The following RNF111 variants were observed in gnomAD, a reference collection of about 807,000 sequenced individuals.
RNF111 encodes E3 ubiquitin-protein ligase Arkadia.
In RNF111, 17 loss-of-function variants were observed where a neutral mutation model predicts 95.1. The ratio of observed to expected loss-of-function variants is 0.18; its 90% CI spans 0.12 to 0.27. The LOEUF (loss-of-function observed/expected upper bound fraction) is 0.27, where lower values mean the gene tolerates loss of function less well. RNF111 is among the 10% of genes least tolerant of loss of function. The probability of loss-of-function intolerance (pLI) is 1.00; values close to 1 mark genes in which losing one functional copy is unlikely to be tolerated. For synonymous variants in RNF111, 440 were observed against 414.8 expected (o/e 1.06, Z -0.74); for missense variants, 1,189 against 1,210.4 (o/e 0.98, Z 0.26).
chr15:59,082,146 G>A (rs2078763715), intron 8 of RNF111, among the ~76,000 whole-genome samples: 2 of 152,134 alleles, frequency 1.3e-5, no homozygotes, highest in African/African-American at 2.4e-5. Context: ...CTTTGCTAAC[G>A]AGAACCTTCC....
At chr15:59,028,805 A>T (rs1485177316) in intron 1 of RNF111, among the ~76,000 whole-genome samples, 1 of 147,838 alleles carries the variant, frequency 6.8e-6, no homozygotes, top group Non-Finnish European at 1.5e-5. Flanking sequence ...CTTGAGATAG[A>T]GTCTTGCTCT....
At chr15:59,067,293 T>C (rs1339232067) in intron 6 of RNF111, among the ~76,000 whole-genome samples, 1 of 146,538 alleles carries the variant, frequency 6.8e-6, no homozygotes, top group African/African-American at 2.5e-5. Context: ...TCTCTTCCCC[T>C]CCTTCCTTCC....
At chr15:59,016,776 C>G (rs1324847469) in intron 1 of RNF111, among the ~76,000 whole-genome samples, 1 of 152,124 alleles carries the variant, frequency 6.6e-6, no homozygotes, top group African/African-American at 2.4e-5. Context: ...AGGCCATGTA[C>G]CAGTAGGTGA....
chr15:59,074,578 T>C (rs2043085964), intron 6 of RNF111, among the ~76,000 whole-genome samples: 1 of 152,238 alleles, frequency 6.6e-6, no homozygotes, highest in Non-Finnish European at 1.5e-5. Context: ...CTTCATAGAA[T>C]TGAAGAGTTA....
intron 5 of RNF111, among the ~76,000 whole-genome samples, chr15:59,063,892 A>G (rs1384216354): frequency 1.3e-5 from 2 of 152,212 alleles, no homozygotes; most frequent in Non-Finnish European, 2.9e-5. Flanking sequence ...TATCCCAGTG[A>G]GTGAGCTTAG....
chr15:59,066,962 C>G lies in RNF111; in HGVS notation c.1565C>G (p.Pro522Arg). Residue 522 changes from proline to arginine, a missense_variant, in exon 6 of 14, where the codon CCC becomes CGC. By Grantham distance (103) the Pro-to-Arg change is moderately radical (BLOSUM62 -2). Around this residue, in one of 2 missense-constraint regions of RNF111, gnomAD observed 1,024 missense variants for 925.9 expected, o/e 1.11. Transcript: ENST00000348370. Reference protein sequence around the residue: ...FQHHHHHHHTPHPAVPVSPSF... With the variant: ...FQHHHHHHHTRHPAVPVSPSF... Reference sequence around the variant, plus strand: ...CATCATCACCACCACCACCATACTCCCCACCCAGCTGTCCCAGTTTCTCCT... The same window carrying G: ...CATCATCACCACCACCACCATACTCGCCACCCAGCTGTCCCAGTTTCTCCT... The G allele has an allele frequency of 6.2e-7, 1 of 1,614,100 alleles. No homozygotes were observed. The highest frequency in any genetic ancestry group is 1.1e-5 in the South Asian group (1 of 91,078).
intron 10 of RNF111, among the ~76,000 whole-genome samples, chr15:59,087,454 A>G (rs1273038151): frequency 6.6e-6 from 1 of 152,210 alleles, no homozygotes; most frequent in Non-Finnish European, 1.5e-5. Context: ...TAAAATCTTA[A>G]CTACTAATAG....
At chr15:58,994,092 C>T (rs1381792317) in intron 1 of RNF111, among the ~76,000 whole-genome samples, 2 of 138,812 alleles carry the variant, frequency 1.4e-5, no homozygotes, top group African/African-American at 2.7e-5. Context: ...GGCTGGAGTG[C>T]AGTGGCCCCA....
chr15:59,051,281 G>A (rs997613795), intron 2 of RNF111, among the ~76,000 whole-genome samples: 24 of 150,770 alleles, frequency 1.6e-4, no homozygotes, highest in African/African-American at 4.6e-4. Context: ...GTGAAACCCC[G>A]TCTCTACTAA....
Position 59,045,954 on chromosome 15 carries a change from T to G in RNF111, c.881-6351T>G, listed in dbSNP as rs142735369. 2.6e-4 allele frequency among the ~76,000 whole-genome samples: 39 copies of G among 152,336 alleles called. 1 individual carries two copies. The East Asian group carries it at 6.5e-3, about 26-fold the overall frequency. On this transcript the variant is annotated intron_variant, in intron 2 of 13. Coordinates refer to ENST00000348370, the MANE Select transcript of RNF111 (RefSeq NM_017610.8). Reference sequence around the variant, plus strand: ...TAAGATATATTTGCACTGTTAAAAATGCATTTTACCTCAGTCTGTGTGTGT... The same window carrying G: ...TAAGATATATTTGCACTGTTAAAAAGGCATTTTACCTCAGTCTGTGTGTGT...
rs903843979 is a variant in RNF111, at chr15:59,070,760, T to C, written c.1686+3677T>C. ...CCCAGAGTTCCTTTTGTTTCTATTA[T>C]TCCCCCTAAACCTAGAGCTCACTGA... On this transcript the variant is annotated intron_variant, in intron 6 of 13. Coordinates refer to ENST00000348370, the MANE Select transcript of RNF111 (RefSeq NM_017610.8). 2.6e-5 allele frequency among the ~76,000 whole-genome samples: 4 copies of C among 152,282 alleles called. No homozygotes were observed. In the South Asian group the frequency reaches 6.2e-4, roughly 24 times the overall value.
At position 59,067,068 on chromosome 15, in the gene RNF111, C is replaced by A; in HGVS notation, c.1671C>A (p.Thr557=). 1.2e-6 allele frequency: 2 copies of A among 1,613,756 alleles called. No homozygotes were observed. The highest frequency in any genetic ancestry group is 1.7e-6 in the Non-Finnish European group (2 of 1,179,842). ...GTGGAGCAAATAGTAGTTCTGGTAC[C>A]AGCTATCATGAACAGGTATGTGGAA... The part of the protein sequence containing the change: ...APCGANSSSG[T]SYHEQQALPV... The change falls in exon 6 of 14, where the codon ACC becomes ACA. Residue 557 remains threonine, a synonymous_variant. Coordinates refer to ENST00000348370, the MANE Select transcript of RNF111 (RefSeq NM_017610.8).
chr15:59,053,902 G>C (rs1182739205), intron 3 of RNF111, among the ~76,000 whole-genome samples: 2 of 151,974 alleles, frequency 1.3e-5, no homozygotes, highest in African/African-American at 4.8e-5. Context: ...TTTTGTTACT[G>C]TTTAGCTGGC....
At chr15:59,059,152 A>G (rs1292268332) in intron 5 of RNF111, among the ~76,000 whole-genome samples, 2 of 152,110 alleles carry the variant, frequency 1.3e-5, no homozygotes, top group African/African-American at 4.8e-5. Flanking sequence ...AGAAACAAAC[A>G]AAAAGCCCCA....
chr15:59,017,882 C>T (rs540021700), intron 1 of RNF111, among the ~76,000 whole-genome samples: 1 of 151,448 alleles, frequency 6.6e-6, no homozygotes. Flanking sequence ...TTCAGCCTCC[C>T]GAGTAGCTGG....
intron 5 of RNF111, among the ~76,000 whole-genome samples, chr15:59,064,258 G>A (rs550381497): frequency 2.0e-5 from 3 of 152,212 alleles, no homozygotes; most frequent in South Asian, 2.1e-4. Flanking sequence ...TAATCTGGCC[G>A]GGCGTGGTGC....
rs533242374 is a variant in RNF111 at position 59,049,423 on chromosome 15, T to A, written c.881-2882T>A. The A allele has an allele frequency of 2.7e-4, 53 of 197,800 alleles. No homozygotes were observed. The South Asian group carries it at 3.9e-3, about 15-fold the overall frequency. The allele number at this position is 197,800 out of a possible 1,614,324, so 12.3% of individuals were successfully genotyped here. Reference sequence around the variant, plus strand: ...ATGCCATGAATTCACAGGTTATAGGTTCCAGCAGTTCAGGCTCCTGTCCAT... The same window carrying A: ...ATGCCATGAATTCACAGGTTATAGGATCCAGCAGTTCAGGCTCCTGTCCAT... On this transcript the variant is annotated intron_variant, in intron 2 of 13. Coordinates refer to ENST00000348370, the MANE Select transcript of RNF111 (RefSeq NM_017610.8).
intron 5 of RNF111, among the ~76,000 whole-genome samples, chr15:59,064,393 G>A (rs545165788): frequency 1.3e-5 from 2 of 151,776 alleles, no homozygotes; most frequent in African/African-American, 4.8e-5. Flanking sequence ...AAAATTAGCC[G>A]GGCTTGGTGG....
intron 1 of RNF111, among the ~76,000 whole-genome samples, chr15:58,998,702 C>T (rs974355851): frequency 1.3e-5 from 2 of 152,096 alleles, no homozygotes; most frequent in African/African-American, 4.8e-5. Flanking sequence ...GAATTTATTG[C>T]CAAAATAAAA....
Sources: allele counts gnomAD v4.1 joint callset (sites outside exome capture counted in the v4.1 genomes callset), GRCh38; gene constraint gnomAD v4.1.1; regional missense constraint gnomAD v4.1.1; transcripts MANE v1.5; gene names NCBI Gene and HGNC (gene_info 2026-07-23, HGNC 2026-07-21).